The following TCP11L2 variants were observed in gnomAD, a reference collection of about 807,000 sequenced individuals.
TCP11L2 encodes the protein t-complex 11 like 2, also known as T-complex protein 11-like protein 2.
In TCP11L2, 39 loss-of-function variants were observed where a neutral mutation model predicts 50.7. The observed-to-expected ratio is 0.77, with a 90% CI of 0.60 to 1.01. TCP11L2 has a LOEUF of 1.01. TCP11L2 is among the 50% of genes least tolerant of loss of function. The pLI is 0.00. For missense variants in TCP11L2, 612 were observed against 614.7 expected (o/e 1.00, Z 0.05); for synonymous variants, 192 against 219.3 (o/e 0.88, Z 1.10).
At chr12:106,335,956 A>G (rs1565858908) in intron 7 of TCP11L2, 76 bp from the exon 8 acceptor site, 1 of 1,497,536 alleles carries the variant, frequency 6.7e-7, no homozygotes, top group Non-Finnish European at 8.9e-7. Context: ...GGAATTTGGA[A>G]ATGACATTGC....
chr12:106,340,721 G>C (rs564823717), intron 8 of TCP11L2, 105 bp from the exon 9 acceptor site: 5 of 934,956 alleles, frequency 5.3e-6, no homozygotes, highest in African/African-American at 1.7e-5. Context: ...ATTATTGTCT[G>C]TATAAGAGAA....
At position 106,329,427 on chromosome 12, in the gene TCP11L2, G is replaced by A. The variant is rs764316607; in HGVS notation, c.772+5781G>A. On this transcript the variant is annotated intron_variant, in intron 6 of 9. Transcript: ENST00000299045. Reference sequence around the variant, plus strand: ...AGCCTGTGAGAGTGAAGTCTCTGCCGATCCCTAAGAGAAGAGCCAACGTTT... The same window carrying A: ...AGCCTGTGAGAGTGAAGTCTCTGCCAATCCCTAAGAGAAGAGCCAACGTTT... 69 of 1,535,260 alleles carry A rather than the reference G, an allele frequency of 4.5e-5. No individual in the cohort carries two copies. In the South Asian group the frequency reaches 4.6e-4, roughly 10 times the overall value.
At chr12:106,336,379 T>A (rs547148295) in intron 8 of TCP11L2, among the ~76,000 whole-genome samples, 166 bp downstream of exon 8, 44 of 152,262 alleles carry the variant, frequency 2.9e-4, no homozygotes, top group African/African-American at 1.0e-3. Context: ...TCTGAAGGCT[T>A]AGATGTCCTC....
chr12:106,335,753 G>A lies in TCP11L2; in HGVS notation c.887G>A (p.Ser296Asn). Residue 296 changes from serine to asparagine, a missense_variant, in exon 7 of 10, where the codon AGC becomes AAC. Coordinates refer to ENST00000299045, the MANE Select transcript of TCP11L2 (RefSeq NM_152772.3). ...GAAAATACCTCCAAGCCAAGCCTGA[G>A]CCCTACTTTGGTGCTAAATAATAGT... ...GAENTSKPSL[S>N]PTLVLNNSYL... 6.2e-7 allele frequency: 1 copy of A among 1,614,212 alleles called. No homozygotes were observed. The highest frequency in any genetic ancestry group is 1.1e-5 in the South Asian group (1 of 91,088).
Position 106,340,947 on chromosome 12 carries a change from G to A in TCP11L2, c.1264G>A (p.Gly422Ser), listed in dbSNP as rs765668459. 1.2e-6 allele frequency: 2 copies of A among 1,613,470 alleles called. No individual in the cohort carries two copies. The highest frequency in any genetic ancestry group is 1.7e-6 in the Non-Finnish European group (2 of 1,179,764). The stretch of plus-strand genomic sequence containing the variant: ...TGCTGAGATTCAAGCTAATCTTATA[G>A]GTCAATTTTCAAGCATTGAAGAGGA... ...LNAEIQANLI[G>S]QFSSIEEEDN... Residue 422 changes from glycine to serine, a missense_variant, in exon 9 of 10, where the codon GGT (glycine) becomes AGT (serine). Transcript: ENST00000299045.
chr12:106,310,864 C>G (rs544727188), intron 1 of TCP11L2, among the ~76,000 whole-genome samples, 177 bp from the exon 2 acceptor site: 1 of 152,190 alleles, frequency 6.6e-6, no homozygotes, highest in Non-Finnish European at 1.5e-5. Context: ...AAGGCAATCT[C>G]GATGACCTAG....
At chr12:106,324,395 G>GAA in intron 6 of TCP11L2, 1 of 152,210 alleles carries the variant, frequency 6.6e-6, no homozygotes, top group African/African-American at 2.4e-5. Context: ...GTTGGTAAGG[G>GAA]GAGAGTGGTA....
chr12:106,327,782 G>A (rs891743657), intron 6 of TCP11L2, among the ~76,000 whole-genome samples: 2 of 152,226 alleles, frequency 1.3e-5, no homozygotes, highest in Admixed American at 1.3e-4. Flanking sequence ...ATACAGAGAA[G>A]TACTCTAGAT....
At position 106,340,996 on chromosome 12, in the gene TCP11L2, T is replaced by TTGG; in HGVS notation, c.1315+1_1315+3dup. The TTGG allele has an allele frequency of 6.2e-7, 1 of 1,601,182 alleles. No individual in the cohort carries two copies. The highest frequency in any genetic ancestry group is 8.5e-7 in the Non-Finnish European group (1 of 1,175,690). On this transcript the variant is annotated inframe_insertion and splice_region_variant, in exon 9 of 10. Transcript: ENST00000299045. ...GAGGACAATCCTATCTGGTCCTTGA[T>TTGG]TGGTGAGTCCTTTTATTGATTTCTG...
chr12:106,326,333 C>T (rs2035545746), intron 6 of TCP11L2, among the ~76,000 whole-genome samples: 1 of 152,124 alleles, frequency 6.6e-6, no homozygotes, highest in Non-Finnish European at 1.5e-5. Context: ...AACAAGGAGA[C>T]TCAGGTGGGC....
In TCP11L2 at chr12:106,336,252, A is replaced by G. The variant is rs972123145; in HGVS notation, c.1142+39A>G. On this transcript the variant is annotated intron_variant, in intron 8 of 9. Transcript: ENST00000299045. ...TTTTGCATCTGCTCCCTCTTGTATT[A>G]AGGCTCTGCATGTGTCTCAGAGAAC... 3.9e-6 allele frequency: 6 copies of G among 1,522,080 alleles called. No individual in the cohort carries two copies. The African/African-American group carries it at 7.0e-5, about 18-fold the overall frequency. 94.3% of individuals were successfully genotyped at this position (1,522,080 alleles called of 1,614,324 possible).
intron 8 of TCP11L2, among the ~76,000 whole-genome samples, chr12:106,340,303 T>G (rs1348950547): frequency 6.6e-6 from 1 of 152,256 alleles, no homozygotes; most frequent in Non-Finnish European, 1.5e-5. Flanking sequence ...GTTACTTGAA[T>G]AATGTGAAGG....
chr12:106,318,539 G>A, intron 4 of TCP11L2, 75 bp downstream of exon 4: 1 of 1,572,662 alleles, frequency 6.4e-7, no homozygotes, highest in Non-Finnish European at 8.7e-7. Flanking sequence ...GCATAGCCTG[G>A]GTGGCTTATA....
intron 8 of TCP11L2, among the ~76,000 whole-genome samples, chr12:106,339,222 T>C (rs1565860956): frequency 6.6e-6 from 1 of 152,208 alleles, no homozygotes; most frequent in Non-Finnish European, 1.5e-5. Flanking sequence ...TTTGCATTTC[T>C]CTAATGATTA....
At chr12:106,308,374 C>A (rs1290028285) in intron 1 of TCP11L2, among the ~76,000 whole-genome samples, 3 of 152,190 alleles carry the variant, frequency 2.0e-5, no homozygotes, top group African/African-American at 4.8e-5. Flanking sequence ...TCCTGACTCC[C>A]AATTATTTTA....
At chr12:106,298,629 C>T (rs1449478404), upstream of TCP11L2, among the ~76,000 whole-genome samples, 1 of 152,138 alleles carries the variant, frequency 6.6e-6, no homozygotes, top group African/African-American at 2.4e-5. Context: ...TCAAGCAATT[C>T]TCCTGCCTCA....
chr12:106,312,590 A>G (rs943287491), intron 2 of TCP11L2, among the ~76,000 whole-genome samples: 4 of 152,062 alleles, frequency 2.6e-5, no homozygotes, highest in African/African-American at 9.7e-5. Context: ...ATCTTCTCCT[A>G]AAAATTAGGT....
rs1341047772 is a variant in TCP11L2 at position 106,314,345 on chromosome 12, G to T, written c.158-13G>T. 1 of 1,594,184 alleles carries T rather than the reference G, an allele frequency of 6.3e-7. No individual in the cohort carries two copies. The highest frequency in any genetic ancestry group is 8.6e-7 in the Non-Finnish European group (1 of 1,164,790). ...TCTTCTGCAACATTAACTGGCTTTTGTTTTTCTTTCAGCAACAAGCCCTCC... is the reference window on the plus strand; with the variant it reads ...TCTTCTGCAACATTAACTGGCTTTTTTTTTTCTTTCAGCAACAAGCCCTCC... On this transcript the variant is annotated splice_polypyrimidine_tract_variant and intron_variant, in intron 2 of 9. Coordinates refer to ENST00000299045, the MANE Select transcript of TCP11L2 (RefSeq NM_152772.3).
At chr12:106,324,436 G>A (rs1192733138) in intron 6 of TCP11L2, 1 of 152,140 alleles carries the variant, frequency 6.6e-6, no homozygotes, top group Non-Finnish European at 1.5e-5. Flanking sequence ...GATAAAGGCA[G>A]GTCACATAGA....
Sources: gnomAD v4.1 joint callset for allele counts (sites outside exome capture counted in the v4.1 genomes callset) on GRCh38, gnomAD v4.1.1 for gene constraint, MANE v1.5 for transcripts, NCBI Gene and HGNC (gene_info 2026-07-23, HGNC 2026-07-21) for gene names.